Variants in TNNI3K observed in about 807,000 individuals in gnomAD.
TNNI3K encodes the protein serine/threonine-protein kinase TNNI3K.
A neutral mutation model predicts 114.5 loss-of-function variants in TNNI3K; 140 were observed. The ratio of observed to expected loss-of-function variants is 1.22; its 90% CI spans 1.07 to 1.41. TNNI3K has a LOEUF of 1.41. Among genes scored for constraint, TNNI3K ranks in the 40% most tolerant of loss-of-function variants. The pLI is 0.00. For synonymous variants in TNNI3K, 347 were observed against 347.5 expected, an observed-to-expected ratio of 1.00 and a Z score of 0.02; for missense variants, 1,125 against 1,007.6, an observed-to-expected ratio of 1.12 and a Z score of -1.58.
chr1:74,431,977 T>C (rs1391593819), intron 17 of TNNI3K, among the ~76,000 whole-genome samples: 2 of 152,138 alleles, frequency 1.3e-5, no homozygotes, highest in Non-Finnish European at 2.9e-5. Flanking sequence ...TAATGGTCTT[T>C]ACCAAACTTG....
At chr1:74,464,707 C>T (rs747821271) in intron 21 of TNNI3K, 1 of 1,591,280 alleles carries the variant, frequency 6.3e-7, no homozygotes. Flanking sequence ...AAATGAAGAT[C>T]GTTTTGGGAT....
At chr1:74,259,128 A>G (rs1468391077) in intron 4 of TNNI3K, among the ~76,000 whole-genome samples, 2 of 150,360 alleles carry the variant, frequency 1.3e-5, no homozygotes, top group Non-Finnish European at 2.9e-5. Context: ...TAATGGATCT[A>G]TCTATCTATC....
chr1:74,519,759 C>A (rs570298242), intron 23 of TNNI3K, among the ~76,000 whole-genome samples: 1 of 151,990 alleles, frequency 6.6e-6, no homozygotes, highest in Non-Finnish European at 1.5e-5. Context: ...GGACAAGTAC[C>A]TATAATGAAG....
At chr1:74,534,812 C>T (rs181698159) in intron 23 of TNNI3K, among the ~76,000 whole-genome samples, 1 of 152,206 alleles carries the variant, frequency 6.6e-6, no homozygotes, top group Admixed American at 6.5e-5. Context: ...AAATCCTTAA[C>T]GATGGGTTTA....
chr1:74,524,930 T>C (rs1031028662), intron 23 of TNNI3K, among the ~76,000 whole-genome samples: 6 of 152,176 alleles, frequency 3.9e-5, no homozygotes, highest in Non-Finnish European at 7.3e-5. Context: ...GCTGAGGTAC[T>C]TTGGGGCTGG....
At chr1:74,435,944 A>T in intron 17 of TNNI3K, 136 bp from the exon 18 acceptor site, 2 of 1,126,008 alleles carry the variant, frequency 1.8e-6, no homozygotes, top group Non-Finnish European at 2.5e-6. Flanking sequence ...AAAAATTTTG[A>T]TTTAGCCCTT....
At chr1:74,283,165 A>G (rs540216740) in intron 5 of TNNI3K, among the ~76,000 whole-genome samples, 1 of 152,244 alleles carries the variant, frequency 6.6e-6, no homozygotes, top group East Asian at 1.9e-4. Context: ...AATATCTAAG[A>G]CTCAATTTAA....
chr1:74,292,834 T>G (rs1199826279), intron 5 of TNNI3K, among the ~76,000 whole-genome samples: 1 of 151,546 alleles, frequency 6.6e-6, no homozygotes, highest in African/African-American at 2.4e-5. Context: ...TGTAGTTCTA[T>G]AAGGTTTTGC....
At chr1:74,239,505 T>A (rs1300947881) in intron 2 of TNNI3K, among the ~76,000 whole-genome samples, 2 of 152,114 alleles carry the variant, frequency 1.3e-5, no homozygotes, top group African/African-American at 4.8e-5. Context: ...TGATAAACAA[T>A]TATGTTATGT....
At chr1:74,273,883 TAAAG>T (rs778745022) in intron 5 of TNNI3K, among the ~76,000 whole-genome samples, 4 of 151,918 alleles carry the variant, frequency 2.6e-5, no homozygotes, top group African/African-American at 4.8e-5. Flanking sequence ...GATCAAATAA[TAAAG>T]AAAAGGGTAT....
intron 11 of TNNI3K, among the ~76,000 whole-genome samples, chr1:74,365,044 A>C (rs1394352905): frequency 6.6e-6 from 1 of 152,122 alleles, no homozygotes; most frequent in Non-Finnish European, 1.5e-5. Flanking sequence ...TGAAATTCCA[A>C]AAAGGAGTTT....
intron 17 of TNNI3K, among the ~76,000 whole-genome samples, chr1:74,412,675 C>T (rs140218830): frequency 3.3e-5 from 5 of 152,178 alleles, no homozygotes; most frequent in Non-Finnish European, 7.4e-5. Flanking sequence ...AGTGTAGTGG[C>T]GTGATCTCAG....
chr1:74,388,177 C>T (rs763899151), intron 17 of TNNI3K, among the ~76,000 whole-genome samples: 44 of 151,976 alleles, frequency 2.9e-4, no homozygotes, highest in Non-Finnish European at 6.5e-4. Context: ...ACTCAGGAGG[C>T]TGAGGCAGAA....
chr1:74,498,801 T>G, intron 23 of TNNI3K, among the ~76,000 whole-genome samples: 1 of 152,154 alleles, frequency 6.6e-6, no homozygotes, highest in Non-Finnish European at 1.5e-5. Flanking sequence ...TATAGGTGAC[T>G]AAGATGTGTG....
intron 23 of TNNI3K, among the ~76,000 whole-genome samples, chr1:74,511,078 GAGTTTC>G (rs1231532404): frequency 6.6e-6 from 1 of 152,184 alleles, no homozygotes; most frequent in African/African-American, 2.4e-5. Flanking sequence ...AGTAGAAACA[GAGTTTC>G]ACCATGTTGG....
chr1:74,448,593 GT>G (rs1666827115), intron 20 of TNNI3K, among the ~76,000 whole-genome samples: 1 of 138,686 alleles, frequency 7.2e-6, no homozygotes, highest in Admixed American at 7.3e-5. Flanking sequence ...GATATTGGCT[GT>G]GGGTTTGTCA....
intron 4 of TNNI3K, 102 bp downstream of exon 4, chr1:74,250,871 T>G: frequency 1.8e-6 from 2 of 1,115,610 alleles, no homozygotes; most frequent in Non-Finnish European, 2.4e-6. Flanking sequence ...ATGGAAAATT[T>G]TCAGTGACCA....
intron 5 of TNNI3K, among the ~76,000 whole-genome samples, chr1:74,300,688 A>G (rs1388456566): frequency 6.6e-6 from 1 of 152,214 alleles, no homozygotes; most frequent in Non-Finnish European, 1.5e-5. Context: ...TAGCTTGTAC[A>G]TCTATTTCAT....
intron 5 of TNNI3K, among the ~76,000 whole-genome samples, chr1:74,314,793 A>G (rs1471236632): frequency 3.3e-5 from 5 of 152,208 alleles, no homozygotes; most frequent in African/African-American, 1.2e-4. Flanking sequence ...GGGTAGAAAC[A>G]TGTTTGTAGT....
Sources: allele counts gnomAD v4.1 joint callset (sites outside exome capture counted in the v4.1 genomes callset), GRCh38; gene constraint gnomAD v4.1.1; transcripts MANE v1.5; gene names NCBI Gene and HGNC (gene_info 2026-07-23, HGNC 2026-07-21).